Variants in ATP8A2 observed in about 807,000 individuals in gnomAD.
ATP8A2 encodes the protein ATPase phospholipid transporting 8A2.
In ATP8A2, 100 loss-of-function variants were observed where a neutral mutation model predicts 165.6. That is an observed-to-expected ratio of 0.60 (90% confidence interval 0.51 to 0.71). ATP8A2 has a LOEUF of 0.71. Ranked by LOEUF, ATP8A2 falls within the 30% of genes least tolerant of loss-of-function variation. The pLI, the probability that ATP8A2 is intolerant of heterozygous loss-of-function variation, is 0.00. For missense variants in ATP8A2, 1,227 were observed against 1,479.5 expected, an observed-to-expected ratio of 0.83 and a Z score of 2.80; for synonymous variants, 543 against 548.8, an observed-to-expected ratio of 0.99 and a Z score of 0.15.
At chr13:25,749,892 TGGCACGTACCACTA>T (rs980126983) in intron 25 of ATP8A2, among the ~76,000 whole-genome samples, 68 of 152,262 alleles carry the variant, frequency 4.5e-4, no homozygotes, top group African/African-American at 1.6e-3. Flanking sequence ...CCAGGCATGG[TGGCACGTACCACTA>T]GTCCTGGCTA....
In ATP8A2 at chr13:25,713,023, C is replaced by G. The variant is rs142815810; in HGVS notation, c.2384+13678C>G. Among the ~76,000 whole-genome samples the G allele has an allele frequency of 5.0e-4, 76 of 152,296 alleles. No homozygotes were observed. In the East Asian group the frequency reaches 0.014, roughly 28 times the overall value. On this transcript the variant is annotated intron_variant, in intron 25 of 36. Transcript: ENST00000381655. Reference sequence around the variant, plus strand: ...ATACCATGTCTTCCATTAAAACTATCCTGAGATTAACTTGATTTATCTTGT... The same window carrying G: ...ATACCATGTCTTCCATTAAAACTATGCTGAGATTAACTTGATTTATCTTGT...
chr13:25,905,415 G>GCT (rs527994694), intron 33 of ATP8A2, among the ~76,000 whole-genome samples: 22,623 of 149,278 alleles, frequency 0.15, 1,872 homozygotes, highest in Non-Finnish European at 0.21. Flanking sequence ...ATTTTTATAT[G>GCT]CTCTCTCTCT....
intron 33 of ATP8A2, among the ~76,000 whole-genome samples, chr13:25,951,382 G>A (rs540343784): frequency 1.5e-4 from 23 of 152,352 alleles, no homozygotes; most frequent in African/African-American, 5.5e-4. Context: ...AAAGAAGCCA[G>A]ATTCAACAGA....
chr13:25,728,946 AT>A (rs1292144273), intron 25 of ATP8A2, among the ~76,000 whole-genome samples: 1 of 152,152 alleles, frequency 6.6e-6, no homozygotes, highest in African/African-American at 2.4e-5. Flanking sequence ...TGTTTTTCAG[AT>A]TGCAAACGTA....
chr13:25,679,214 G>A lies in ATP8A2; in HGVS notation c.2212-19959G>A, dbSNP rs77458761. On this transcript the variant is annotated intron_variant, in intron 24 of 36. Coordinates refer to ENST00000381655, the MANE Select transcript of ATP8A2 (RefSeq NM_016529.6). Reference sequence around the variant, plus strand: ...CTAGAGGCAGAAAGAGGGAAATACTGGAAATCAAGATGATAGGCTTTGTTT... The same window carrying A: ...CTAGAGGCAGAAAGAGGGAAATACTAGAAATCAAGATGATAGGCTTTGTTT... 0.017 allele frequency among the ~76,000 whole-genome samples: 2,581 copies of A among 152,174 alleles called. 191 individuals carry two copies. The East Asian group carries it at 0.24, about 14-fold the overall frequency.
At chr13:25,519,026 G>A (rs192426199) in intron 2 of ATP8A2, among the ~76,000 whole-genome samples, 7 of 152,290 alleles carry the variant, frequency 4.6e-5, no homozygotes, top group African/African-American at 1.2e-4. Flanking sequence ...CCTTTGCCAC[G>A]TTCATTTCAG....
intron 1 of ATP8A2, among the ~76,000 whole-genome samples, chr13:25,389,026 C>A (rs921109135): frequency 5.9e-5 from 9 of 152,090 alleles, no homozygotes; most frequent in African/African-American, 2.2e-4. Context: ...AGGACCTGCA[C>A]CCAATAGGAG....
At chr13:25,794,852 CA>C (rs1275700242) in intron 27 of ATP8A2, among the ~76,000 whole-genome samples, 2 of 151,210 alleles carry the variant, frequency 1.3e-5, no homozygotes, top group African/African-American at 2.4e-5. Flanking sequence ...CACACACACA[CA>C]CACACACCTT....
At chr13:25,949,231 T>C (rs1249727534) in intron 33 of ATP8A2, among the ~76,000 whole-genome samples, 1 of 152,344 alleles carries the variant, frequency 6.6e-6, no homozygotes, top group Middle Eastern at 3.4e-3. Context: ...ACAGCTTTAG[T>C]CTCTGCATCC....
At chr13:25,816,580 C>T (rs771353173) in intron 27 of ATP8A2, among the ~76,000 whole-genome samples, 4 of 152,196 alleles carry the variant, frequency 2.6e-5, no homozygotes, top group East Asian at 1.9e-4. Context: ...ACTTCAGATA[C>T]GTCCCATGCC....
At chr13:25,487,561 G>A (rs1264628655) in intron 2 of ATP8A2, among the ~76,000 whole-genome samples, 1 of 152,124 alleles carries the variant, frequency 6.6e-6, no homozygotes, top group Non-Finnish European at 1.5e-5. Context: ...TGCTGTAGTT[G>A]CATTTTAGAT....
chr13:25,808,622 T>C (rs2138499657), intron 27 of ATP8A2, among the ~76,000 whole-genome samples: 1 of 151,880 alleles, frequency 6.6e-6, no homozygotes, highest in East Asian at 1.9e-4. Flanking sequence ...AATTTTTTTT[T>C]TGTAGAGTTG....
chr13:25,879,766 A>G (rs1952923968), intron 33 of ATP8A2, among the ~76,000 whole-genome samples: 1 of 152,210 alleles, frequency 6.6e-6, no homozygotes, highest in African/African-American at 2.4e-5. Flanking sequence ...GGCGATACCC[A>G]CATTCTCCTG....
At chr13:25,500,133 C>T (rs2036808009) in intron 2 of ATP8A2, among the ~76,000 whole-genome samples, 1 of 152,120 alleles carries the variant, frequency 6.6e-6, no homozygotes, top group Non-Finnish European at 1.5e-5. Context: ...AATGTATTGC[C>T]TGCTCCCTTC....
At chr13:25,974,644 CTG>C (rs1474507559) in intron 35 of ATP8A2, among the ~76,000 whole-genome samples, 1 of 152,132 alleles carries the variant, frequency 6.6e-6, no homozygotes, top group Non-Finnish European at 1.5e-5. Flanking sequence ...GAGCTGCAGT[CTG>C]TCTGTAACGT....
At chr13:25,537,917 G>A (rs769515342) in intron 6 of ATP8A2, 71 bp from the exon 7 acceptor site, 16 of 1,026,954 alleles carry the variant, frequency 1.6e-5, no homozygotes, top group Middle Eastern at 4.2e-4. Flanking sequence ...AAATATTTAA[G>A]CACCTTTTTC....
At chr13:25,927,934 A>G (rs1414046549) in intron 33 of ATP8A2, among the ~76,000 whole-genome samples, 1 of 152,268 alleles carries the variant, frequency 6.6e-6, no homozygotes, top group East Asian at 1.9e-4. Context: ...CTTTGAAAGC[A>G]GAACACCCAC....
At chr13:25,645,416 C>A (rs1017675371) in intron 24 of ATP8A2, among the ~76,000 whole-genome samples, 1 of 152,168 alleles carries the variant, frequency 6.6e-6, no homozygotes, top group Non-Finnish European at 1.5e-5. Context: ...CAAACCATAT[C>A]ATGCTCTGAT....
chr13:25,876,052 G>A (rs924315230), intron 33 of ATP8A2, among the ~76,000 whole-genome samples: 9 of 152,198 alleles, frequency 5.9e-5, no homozygotes, highest in South Asian at 2.1e-4. Flanking sequence ...AAATATAAGC[G>A]TGTAGTTGGA....
Sources: gnomAD v4.1 joint callset for allele counts (sites outside exome capture counted in the v4.1 genomes callset) on GRCh38, gnomAD v4.1.1 for gene constraint, MANE v1.5 for transcripts, NCBI Gene and HGNC (gene_info 2026-07-23, HGNC 2026-07-21) for gene names.